RBMS3: variants seen among roughly 807,000 people sequenced by gnomAD.
The protein encoded by RBMS3 is RNA-binding motif, single-stranded-interacting protein 3.
A neutral mutation model predicts 66.8 loss-of-function variants in RBMS3; 27 were observed. The observed-to-expected ratio is 0.40, with a 90% CI of 0.30 to 0.56. The LOEUF is 0.56. RBMS3 is among the 20% of genes least tolerant of loss of function. The pLI, the probability that RBMS3 is intolerant of heterozygous loss-of-function variation, is 0.40. For missense variants in RBMS3, 513 were observed against 549.5 expected (o/e 0.93, Z 0.66); for synonymous variants, 188 against 183.0 (o/e 1.03, Z -0.22).
At chr3:29,924,042 A>C (rs1025325005) in intron 10 of RBMS3, among the ~76,000 whole-genome samples, 3 of 152,256 alleles carry the variant, frequency 2.0e-5, no homozygotes, top group African/African-American at 7.2e-5. Context: ...TCTTTGCAAC[A>C]GACAAACTGA....
At chr3:29,574,493 G>T (rs1393738327) in intron 3 of RBMS3, among the ~76,000 whole-genome samples, 2 of 151,898 alleles carry the variant, frequency 1.3e-5, no homozygotes, top group African/African-American at 2.4e-5. Flanking sequence ...ACAGATTATG[G>T]AATCTTATTT....
intron 1 of RBMS3, among the ~76,000 whole-genome samples, chr3:29,433,298 T>C (rs1327395492): frequency 6.6e-6 from 1 of 152,074 alleles, no homozygotes; most frequent in Non-Finnish European, 1.5e-5. Flanking sequence ...TCTGATAAAA[T>C]AGCTAAAGAC....
At chr3:29,626,308 AG>A (rs1559519302) in intron 4 of RBMS3, among the ~76,000 whole-genome samples, 1 of 152,200 alleles carries the variant, frequency 6.6e-6, no homozygotes, top group Non-Finnish European at 1.5e-5. Flanking sequence ...CAAAGGAGAA[AG>A]AATGCAAAAA....
intron 4 of RBMS3, among the ~76,000 whole-genome samples, chr3:29,587,612 G>A (rs2149094765): frequency 6.6e-6 from 1 of 151,782 alleles, no homozygotes; most frequent in Non-Finnish European, 1.5e-5. Context: ...TAGAGTAGTA[G>A]AATTATCAGC....
intron 4 of RBMS3, among the ~76,000 whole-genome samples, chr3:29,694,916 A>G (rs959357474): frequency 9.9e-5 from 15 of 152,152 alleles, no homozygotes; most frequent in African/African-American, 3.6e-4. Flanking sequence ...TGTCAGGCAC[A>G]GGAGCCTAAG....
At chr3:29,922,854 T>C (rs1329050200) in intron 10 of RBMS3, among the ~76,000 whole-genome samples, 1 of 152,248 alleles carries the variant, frequency 6.6e-6, no homozygotes, top group Non-Finnish European at 1.5e-5. Flanking sequence ...AATATAGTTA[T>C]AGTCTTTTCA....
At chr3:29,282,310 ATT>A (rs2031877706) in intron 1 of RBMS3, among the ~76,000 whole-genome samples, 1 of 152,020 alleles carries the variant, frequency 6.6e-6, no homozygotes. Context: ...TGCCTATTTT[ATT>A]TTATGTTGAG....
At chr3:29,634,405 C>T (rs1367053501) in intron 4 of RBMS3, among the ~76,000 whole-genome samples, 1 of 151,820 alleles carries the variant, frequency 6.6e-6, no homozygotes. Flanking sequence ...GTCATATTCC[C>T]TTGTCTTTTA....
At chr3:29,945,945 G>C (rs1559826531) in intron 12 of RBMS3, among the ~76,000 whole-genome samples, 1 of 151,636 alleles carries the variant, frequency 6.6e-6, no homozygotes, top group Non-Finnish European at 1.5e-5. Context: ...AAATCACATG[G>C]AACAGTTAAA....
chr3:29,498,247 G>A lies in RBMS3; in HGVS notation c.307+9748G>A, dbSNP rs542765136. ...TGACCTCAGGTGATCCACCTGCCTC[G>A]GCCTCCCAAAGTGCTGGGATTACAG... On this transcript the variant is annotated intron_variant, in intron 3 of 14. Transcript: ENST00000383767. Among the ~76,000 whole-genome samples the A allele has an allele frequency of 5.7e-4, 86 of 151,388 alleles. 1 individual carries two copies. The Middle Eastern group carries it at 0.014, about 24-fold the overall frequency.
chr3:29,956,121 T>C (rs1300327005), intron 12 of RBMS3, among the ~76,000 whole-genome samples: 2 of 152,142 alleles, frequency 1.3e-5, no homozygotes, highest in Non-Finnish European at 2.9e-5. Flanking sequence ...CACAGTATAA[T>C]CTTCAAGCTA....
chr3:29,377,344 G>A (rs183259627), intron 1 of RBMS3, among the ~76,000 whole-genome samples: 8 of 152,252 alleles, frequency 5.3e-5, no homozygotes, highest in Admixed American at 1.3e-4. Context: ...AACTGGTCTC[G>A]GGTGAGGCCT....
At chr3:29,498,001 TTTTTTTTTTGG>T (rs2043824276) in intron 3 of RBMS3, among the ~76,000 whole-genome samples, 1 of 106,542 alleles carries the variant, frequency 9.4e-6, no homozygotes, top group African/African-American at 3.7e-5. Flanking sequence ...TTTTTTTTTT[TTTTTTTTTTGG>T]GAGACAGAGT....
At chr3:29,538,232 G>T (rs1576161732) in intron 3 of RBMS3, among the ~76,000 whole-genome samples, 1 of 152,148 alleles carries the variant, frequency 6.6e-6, no homozygotes, top group Non-Finnish European at 1.5e-5. Flanking sequence ...GTGCTATCAA[G>T]CACATAAACA....
chr3:29,498,012 G>GTTTT (rs1457527325), intron 3 of RBMS3, among the ~76,000 whole-genome samples: 1 of 83,734 alleles, frequency 1.2e-5, no homozygotes. Flanking sequence ...TTTTTTTTTG[G>GTTTT]GAGACAGAGT....
At chr3:29,676,800 A>G (rs746724428) in intron 4 of RBMS3, among the ~76,000 whole-genome samples, 1 of 152,186 alleles carries the variant, frequency 6.6e-6, no homozygotes, top group African/African-American at 2.4e-5. Flanking sequence ...GGTGTAAAAC[A>G]CATGCCATTT....
intron 1 of RBMS3, among the ~76,000 whole-genome samples, chr3:29,341,841 A>G (rs2036298982): frequency 6.6e-6 from 1 of 152,198 alleles, no homozygotes; most frequent in Non-Finnish European, 1.5e-5. Flanking sequence ...AGGAAGACAA[A>G]CTAAAGTCAT....
intron 1 of RBMS3, among the ~76,000 whole-genome samples, chr3:29,422,384 A>G (rs1244184327): frequency 2.5e-5 from 3 of 120,356 alleles, no homozygotes; most frequent in African/African-American, 1.0e-4. Flanking sequence ...CTTATGTAGA[A>G]TATCACCAGC....
chr3:29,300,800 T>A (rs2033622111), intron 1 of RBMS3, among the ~76,000 whole-genome samples: 1 of 151,992 alleles, frequency 6.6e-6, no homozygotes, highest in Admixed American at 6.6e-5. Flanking sequence ...AGGATTTTGA[T>A]GCAATTCGTA....
Sources: gnomAD v4.1 joint callset for allele counts (sites outside exome capture counted in the v4.1 genomes callset) on GRCh38, gnomAD v4.1.1 for gene constraint, MANE v1.5 for transcripts, NCBI Gene and HGNC (gene_info 2026-07-23, HGNC 2026-07-21) for gene names.